The following OLR1 variants were observed in gnomAD, a reference collection of about 807,000 sequenced individuals.
OLR1 encodes the protein oxidized low density lipoprotein receptor 1, also known as oxidized low-density lipoprotein receptor 1.
Under a neutral mutation model 31.7 loss-of-function variants are expected in OLR1, and 23 were observed. That is an observed-to-expected ratio of 0.72 (90% confidence interval 0.52 to 1.03). The LOEUF (loss-of-function observed/expected upper bound fraction) is 1.03, where lower values mean the gene tolerates loss of function less well. OLR1 is among the 50% of genes least tolerant of loss of function. The pLI, the probability that OLR1 is intolerant of heterozygous loss-of-function variation, is 0.00. For synonymous variants in OLR1, 117 were observed against 115.8 expected, an observed-to-expected ratio of 1.01 and a Z score of -0.07; for missense variants, 286 against 315.7, an observed-to-expected ratio of 0.91 and a Z score of 0.71.
chr12:10,161,673 G>A (rs1055209502), intron 3 of OLR1, among the ~76,000 whole-genome samples: 2 of 151,994 alleles, frequency 1.3e-5, no homozygotes, highest in East Asian at 1.9e-4. Context: ...CTCCCAAAGT[G>A]CTGGAGTTAC....
upstream of OLR1, among the ~76,000 whole-genome samples, chr12:10,173,575 A>C (rs1369105924): frequency 6.6e-6 from 1 of 151,660 alleles, no homozygotes; most frequent in Non-Finnish European, 1.5e-5. Flanking sequence ...TGAGGTCAGG[A>C]GTTCGAGACC....
In OLR1 at chr12:10,163,490, C is replaced by A. The variant is rs576514028; in HGVS notation, c.425-2565G>T. Among the ~76,000 whole-genome samples, 3 of 152,174 alleles carry A rather than the reference C, an allele frequency of 2.0e-5. No individual in the cohort carries two copies. The South Asian group carries it at 6.2e-4, about 32-fold the overall frequency. On this transcript the variant is annotated intron_variant, in intron 3 of 5. Coordinates refer to ENST00000309539, the MANE Select transcript of OLR1 (RefSeq NM_002543.4). ...TTGGCCTAAAGCAAACATATAATAA[C>A]CTCTCAGCATCTCTCCCTCCTCATA...
intron 3 of OLR1, among the ~76,000 whole-genome samples, chr12:10,165,145 C>T (rs558844354): frequency 6.6e-6 from 1 of 152,170 alleles, no homozygotes; most frequent in African/African-American, 2.4e-5. Flanking sequence ...TGCCTCTAAT[C>T]CCAACTATTC....
At position 10,166,614 on chromosome 12, in the gene OLR1, C is replaced by T. The variant is rs1948664350; in HGVS notation, c.424+98G>A. The T allele has an allele frequency of 3.1e-6, 4 of 1,300,430 alleles. No homozygotes were observed. The East Asian group carries it at 9.2e-5, about 30-fold the overall frequency. 80.6% of individuals were successfully genotyped at this position (1,300,430 alleles called of 1,614,324 possible). On this transcript the variant is annotated intron_variant, in intron 3 of 5. Transcript: ENST00000309539. ...TATGAATGAATAATGATATGCATAA[C>T]AATAGACCAATTTTGAGCCCAGAAT...
chr12:10,172,981 A>T (rs1948735988), upstream of OLR1, among the ~76,000 whole-genome samples: 1 of 152,238 alleles, frequency 6.6e-6, no homozygotes, highest in Non-Finnish European at 1.5e-5. Context: ...TTCAAATGAC[A>T]CGCTGGTTAA....
chr12:10,166,988 C>G (rs1948668509), intron 2 of OLR1, 31 bp from the exon 3 acceptor site: 3 of 1,573,998 alleles, frequency 1.9e-6, no homozygotes, highest in Middle Eastern at 1.7e-4. Flanking sequence ...GACTCTAGTT[C>G]TAATCCAAAT....
intron 1 of OLR1, chr12:10,170,504 T>TC (rs1022622373): frequency 1.3e-5 from 2 of 150,430 alleles, no homozygotes; most frequent in African/African-American, 4.9e-5. Context: ...TTTTTTTTTT[T>TC]TTTTTTTGAG....
At chr12:10,173,011 T>A (rs879496191), upstream of OLR1, among the ~76,000 whole-genome samples, 11 of 152,208 alleles carry the variant, frequency 7.2e-5, no homozygotes, top group Non-Finnish European at 1.2e-4. Flanking sequence ...GCTTTGTACT[T>A]GGAGCATAAT....
Position 10,159,289 on chromosome 12 carries a change from G to A in OLR1, c.*591C>T, listed in dbSNP as rs371184661. ...TTGGGCTCCCCACTTGTCCCAAAAT[G>A]TGTGTGTGTGTGTGTGTGTGTGTCT... On this transcript the variant is annotated 3_prime_UTR_variant, in exon 6 of 6. Transcript: ENST00000309539. 1 of 120,288 alleles carries A rather than the reference G, an allele frequency of 8.3e-6. No homozygotes were observed. The highest frequency in any genetic ancestry group is 2.6e-5 in the African/African-American group (1 of 38,718). The allele number at this position is 120,288 out of a possible 1,614,324, so 7.5% of individuals were successfully genotyped here.
In OLR1 at chr12:10,166,856, C is replaced by T. The variant is rs770127699; in HGVS notation, c.280G>A (p.Ala94Thr). ...QISARQQAEEASQESENELKE... is the reference protein window; with the variant it reads ...QISARQQAEETSQESENELKE... The stretch of plus-strand genomic sequence containing the variant: ...AGTTCGTTTTCTGACTCCTGTGAAG[C>T]TTCTTCTGCTTGTTGCCGGGCTGAG... The change falls in exon 3 of 6, where the codon GCT becomes ACT. Residue 94 changes from alanine (A) to threonine (T), a missense_variant. Coordinates refer to ENST00000309539, the MANE Select transcript of OLR1 (RefSeq NM_002543.4). 5 of 1,612,664 alleles carry T rather than the reference C, an allele frequency of 3.1e-6. No individual in the cohort carries two copies. The Admixed American group carries it at 6.7e-5, about 22-fold the overall frequency.
chr12:10,170,422 T>C (rs543286978), intron 1 of OLR1: 8 of 152,154 alleles, frequency 5.3e-5, no homozygotes, highest in East Asian at 3.9e-4. Context: ...AATACCTCTA[T>C]GTAAATCTTT....
intron 3 of OLR1, among the ~76,000 whole-genome samples, chr12:10,165,217 T>C (rs1007268019): frequency 6.7e-6 from 1 of 150,268 alleles, no homozygotes. Context: ...GAGCCGAGAA[T>C]GTGCCACTGC....
intron 3 of OLR1, among the ~76,000 whole-genome samples, chr12:10,163,398 A>G (rs1007669105): frequency 6.6e-6 from 1 of 152,186 alleles, no homozygotes; most frequent in Non-Finnish European, 1.5e-5. Flanking sequence ...AAGTTTGAGA[A>G]TCACCACAAA....
Position 10,166,962 on chromosome 12 carries a change from A to G in OLR1, c.179-5T>C. ...GGAGGTCAGACACCTGGGATACTGA[A>G]TCACAGTTGCATTAAGACTCTAGTT... On this transcript the variant is annotated splice_region_variant and splice_polypyrimidine_tract_variant and intron_variant, in intron 2 of 5. Transcript: ENST00000309539. 6.2e-7 allele frequency: 1 copy of G among 1,611,268 alleles called. No homozygotes were observed. The highest frequency in any genetic ancestry group is 8.5e-7 in the Non-Finnish European group (1 of 1,179,216).
chr12:10,160,079 T>G, intron 5 of OLR1, 58 bp from the exon 6 acceptor site: 1 of 1,545,272 alleles, frequency 6.5e-7, no homozygotes, highest in Non-Finnish European at 8.8e-7. Context: ...ACTGCCACCT[T>G]GTTTCAGAAA....
intron 2 of OLR1, 126 bp downstream of exon 2, chr12:10,168,948 G>C: frequency 1.9e-6 from 1 of 538,200 alleles, no homozygotes; most frequent in South Asian, 4.0e-5. Flanking sequence ...AAAACATTTT[G>C]CCTAAAATGA....
At chr12:10,165,476 AAAT>A (rs1948653602) in intron 3 of OLR1, among the ~76,000 whole-genome samples, 1 of 152,102 alleles carries the variant, frequency 6.6e-6, no homozygotes, top group Admixed American at 6.5e-5. Context: ...ACACTTTAAG[AAAT>A]AATGCCACAG....
intron 3 of OLR1, among the ~76,000 whole-genome samples, chr12:10,161,924 G>GATATATATATAT (rs34054558): frequency 0.053 from 3,557 of 67,700 alleles, 56 homozygotes; most frequent in Non-Finnish European, 0.08. Context: ...AAATTTTAAT[G>GATATATATATAT]ATATATATAT....
At chr12:10,169,050 T>G in intron 2 of OLR1, 24 bp downstream of exon 2, 1 of 1,531,402 alleles carries the variant, frequency 6.5e-7, no homozygotes, top group South Asian at 1.2e-5. Flanking sequence ...CCAATAAACA[T>G]CAGTTCCGTA....
Sources: allele counts gnomAD v4.1 joint callset (sites outside exome capture counted in the v4.1 genomes callset), GRCh38; gene constraint gnomAD v4.1.1; transcripts MANE v1.5; gene names NCBI Gene and HGNC (gene_info 2026-07-23, HGNC 2026-07-21).